Variants in GOLT1B observed in about 807,000 individuals in gnomAD.
GOLT1B encodes golgi transport 1B.
In GOLT1B, 3 loss-of-function variants were observed where a neutral mutation model predicts 15.4. The observed-to-expected ratio is 0.19, with a 90% confidence interval of 0.09 to 0.50. GOLT1B has a LOEUF of 0.50. GOLT1B is among the 20% of genes least tolerant of loss of function. The pLI, the probability that GOLT1B is intolerant of heterozygous loss-of-function variation, is 0.97. For synonymous variants in GOLT1B, 65 were observed against 56.2 expected (o/e 1.16, Z -0.70); for missense variants, 145 against 160.4 (o/e 0.90, Z 0.52).
chr12:21,504,583 T>C (rs1288991213), intron 1 of GOLT1B: 1 of 509,284 alleles, frequency 2.0e-6, no homozygotes, highest in South Asian at 1.4e-5. Context: ...CACAGACTGT[T>C]GTACCTGCCT....
chr12:21,511,470 G>T (rs1220234486), intron 3 of GOLT1B, among the ~76,000 whole-genome samples: 2 of 152,110 alleles, frequency 1.3e-5, no homozygotes, highest in East Asian at 3.9e-4. Context: ...GGCCATGAGT[G>T]ACCAGCTTCA....
At chr12:21,515,371 T>A (rs1043486677) in intron 4 of GOLT1B, 30 of 618,358 alleles carry the variant, frequency 4.9e-5, no homozygotes, top group Non-Finnish European at 5.9e-5. Context: ...CTAGCAGTGT[T>A]ATCTTCATCT....
chr12:21,504,575 C>G, intron 1 of GOLT1B: 1 of 509,362 alleles, frequency 2.0e-6, no homozygotes, highest in South Asian at 1.4e-5. Context: ...GCTGACTTCA[C>G]AGACTGTTGT....
chr12:21,513,608 C>T (rs1009531575), intron 4 of GOLT1B, among the ~76,000 whole-genome samples: 1 of 151,874 alleles, frequency 6.6e-6, no homozygotes, highest in Non-Finnish European at 1.5e-5. Context: ...CCACCACACC[C>T]AGCCTTACCT....
chr12:21,517,696 C>T lies in GOLT1B; in HGVS notation c.*1989C>T, dbSNP rs1943766347. The T allele has an allele frequency of 6.6e-6, 1 of 152,076 alleles. No homozygotes were observed. Among genetic ancestry groups the T allele is most frequent in the Admixed American group, 6.5e-5 (1 of 15,278 alleles). The allele number at this position is 152,076 out of a possible 1,614,324, so 9.4% of individuals were successfully genotyped here. On this transcript the variant is annotated 3_prime_UTR_variant, in exon 5 of 5. Transcript: ENST00000229314. ...AGACTTGAAAGGGTTTGATAATCTC[C>T]CAGTCCTTAGTAAAGATTGAGAGAG...
chr12:21,512,323 A>G lies in GOLT1B; in HGVS notation c.325A>G (p.Ile109Val). 1.3e-6 allele frequency: 2 copies of G among 1,576,454 alleles called. No individual in the cohort carries two copies. Among genetic ancestry groups the G allele is most frequent in the Non-Finnish European group, 8.7e-7 (1 of 1,146,504 alleles). ...RGFFPVVVGF[I>V]RRVPVLGSLL... ...CTTCTTTCCTGTCGTTGTTGGCTTT[A>G]TTAGAAGAGTGCCAGTCCTTGGATC... The change falls in exon 4 of 5, where the codon ATT becomes GTT. Residue 109 changes from isoleucine to valine, a missense_variant. Coordinates refer to ENST00000229314, the MANE Select transcript of GOLT1B (RefSeq NM_016072.5).
chr12:21,515,385 A>G, intron 4 of GOLT1B: 1 of 600,060 alleles, frequency 1.7e-6, no homozygotes. Flanking sequence ...TTCATCTTAT[A>G]CAATTTCTTT....
chr12:21,515,676 A>G lies in GOLT1B; in HGVS notation c.386A>G (p.Asp129Gly), dbSNP rs1340435497. The change falls in exon 5 of 5, where the codon GAT becomes GGT. Residue 129 changes from aspartate to glycine, a missense_variant. Asp to Gly is a moderately conservative substitution (Grantham distance 94). Transcript: ENST00000229314. The part of the protein sequence containing the change: ...LNLPGIRSFV[D>G]KVGESNNMV ...TTTTTCTTCTCCTTACAGTTTGTAG[A>G]TAAAGTTGGAGAAAGCAACAATATG... is the stretch of plus-strand genomic sequence containing the variant. 2.2e-6 allele frequency: 3 copies of G among 1,379,306 alleles called. No individual in the cohort carries two copies. The highest frequency in any genetic ancestry group is 3.1e-6 in the Non-Finnish European group (3 of 976,468). The allele number at this position is 1,379,306 out of a possible 1,614,324, so 85.4% of individuals were successfully genotyped here.
intron 3 of GOLT1B, among the ~76,000 whole-genome samples, chr12:21,508,889 G>GTACA: frequency 1.5e-5 from 1 of 65,380 alleles, no homozygotes; most frequent in East Asian, 8.8e-4. Context: ...AGGTAGGTAG[G>GTACA]TAGATAGATA....
At chr12:21,507,254 A>G in intron 2 of GOLT1B, 1 of 310,190 alleles carries the variant, frequency 3.2e-6, no homozygotes, top group South Asian at 4.0e-5. Flanking sequence ...ATAGGAGTTC[A>G]AAATAGATGA....
intron 3 of GOLT1B, among the ~76,000 whole-genome samples, chr12:21,510,289 G>T (rs185678554): frequency 6.6e-6 from 1 of 152,310 alleles, no homozygotes; most frequent in East Asian, 1.9e-4. Context: ...AGAGAGAAAA[G>T]AGTGAAGAAG....
chr12:21,505,053 C>T (rs1189292443), intron 1 of GOLT1B, among the ~76,000 whole-genome samples: 1 of 152,150 alleles, frequency 6.6e-6, no homozygotes, highest in African/African-American at 2.4e-5. Flanking sequence ...CTTTAGGCAA[C>T]TTAAGTCAAC....
At position 21,505,203 on chromosome 12, in the gene GOLT1B, T is replaced by A. The variant is rs537906892; in HGVS notation, c.26-1682T>A. On this transcript the variant is annotated intron_variant, in intron 1 of 4. Coordinates refer to ENST00000229314, the MANE Select transcript of GOLT1B (RefSeq NM_016072.5). ...TTCGTGGTAAATTCTCAGTACATAG[T>A]AGGTGTCTTTCCATATACCTTCCTT... 7.6e-3 allele frequency among the ~76,000 whole-genome samples: 1,153 copies of A among 152,292 alleles called. 8 individuals carry two copies. Among genetic ancestry groups the A allele is most frequent in the African/African-American group, 0.027 (1,118 of 41,544 alleles).
chr12:21,502,106 G>C (rs1286232797), intron 1 of GOLT1B, among the ~76,000 whole-genome samples, 158 bp downstream of exon 1: 1 of 152,212 alleles, frequency 6.6e-6, no homozygotes, highest in African/African-American at 2.4e-5. Flanking sequence ...GGCTGCCTTC[G>C]GGATGCCGGG....
rs1237093945 is a variant in GOLT1B at position 21,507,234 on chromosome 12, C to T, written c.117+258C>T. On this transcript the variant is annotated intron_variant, in intron 2 of 4. Transcript: ENST00000229314. Reference sequence around the variant, plus strand: ...AGATTTACAATAGATTAAATGAAGGCTGCCTCTAAATAGGAGTTCAAAATA... The same window carrying T: ...AGATTTACAATAGATTAAATGAAGGTTGCCTCTAAATAGGAGTTCAAAATA... 1.0e-5 allele frequency: 4 copies of T among 392,874 alleles called. No individual in the cohort carries two copies. The East Asian group carries it at 2.2e-4, about 21-fold the overall frequency. The allele number at this position is 392,874 out of a possible 1,614,324, so 24.3% of individuals were successfully genotyped here.
At chr12:21,509,635 A>G (rs879611448) in intron 3 of GOLT1B, among the ~76,000 whole-genome samples, 2 of 152,168 alleles carry the variant, frequency 1.3e-5, no homozygotes, top group Admixed American at 1.3e-4. Context: ...GCCATTATAA[A>G]TGTGTATGCA....
Position 21,506,747 on chromosome 12 carries a change from T to C in GOLT1B, c.26-138T>C. ...TGTTATAAGAGCTAAATAAATGTCATTATGAAGTTAACCTGCAATGTTGGG... is the reference window on the plus strand; with the variant it reads ...TGTTATAAGAGCTAAATAAATGTCACTATGAAGTTAACCTGCAATGTTGGG... On this transcript the variant is annotated intron_variant, in intron 1 of 4. Coordinates refer to ENST00000229314, the MANE Select transcript of GOLT1B (RefSeq NM_016072.5). 6.4e-6 allele frequency: 3 copies of C among 468,398 alleles called. No individual in the cohort carries two copies. In the South Asian group the frequency reaches 1.4e-4, roughly 21 times the overall value. 29.0% of individuals were successfully genotyped at this position (468,398 alleles called of 1,614,324 possible).
intron 1 of GOLT1B, chr12:21,504,619 A>AT: frequency 6.0e-6 from 3 of 499,980 alleles, no homozygotes; most frequent in Non-Finnish European, 1.2e-5. Flanking sequence ...CCACACACAC[A>AT]TTTTTGCTGC....
Position 21,518,142 on chromosome 12 carries a change from A to C in GOLT1B, c.*2435A>C, listed in dbSNP as rs752755548. The C allele has an allele frequency of 1.8e-4, 27 of 152,304 alleles. No individual in the cohort carries two copies. The highest frequency in any genetic ancestry group is 3.1e-4 in the African/African-American group (13 of 41,454). The allele number at this position is 152,304 out of a possible 1,614,324, so 9.4% of individuals were successfully genotyped here. A position where few individuals can be genotyped will look rare whatever the true frequency, so the allele number is the denominator to read the frequency against. ...TATACTTGTCTTACCTCTCAATAAA[A>C]GGGTACTTTTCTATTAATTGGTGGT... On this transcript the variant is annotated 3_prime_UTR_variant, in exon 5 of 5. Transcript: ENST00000229314.
Sources: allele counts gnomAD v4.1 joint callset (sites outside exome capture counted in the v4.1 genomes callset), GRCh38; gene constraint gnomAD v4.1.1; transcripts MANE v1.5; gene names NCBI Gene and HGNC (gene_info 2026-07-23, HGNC 2026-07-21).